ERC1: variants seen among roughly 807,000 people sequenced by gnomAD.
ERC1 encodes the protein ELKS/RAB6-interacting/CAST family member 1, also known as RAB6 interacting protein 2.
Under a neutral mutation model 132.0 loss-of-function variants are expected in ERC1, and 56 were observed. That is an observed-to-expected ratio of 0.42 (90% CI 0.34 to 0.53). The LOEUF (loss-of-function observed/expected upper bound fraction) is 0.53. Among genes scored for constraint, ERC1 ranks in the 20% least tolerant of loss-of-function variants. ERC1 has a pLI of 0.03. For synonymous variants in ERC1, 478 were observed against 476.1 expected, an observed-to-expected ratio of 1.00 and a Z score of -0.05; for missense variants, 1,202 against 1,349.9, an observed-to-expected ratio of 0.89 and a Z score of 1.72.
At chr12:1,080,305 C>T (rs1259055365) in intron 2 of ERC1, among the ~76,000 whole-genome samples, 2 of 152,174 alleles carry the variant, frequency 1.3e-5, no homozygotes, top group Non-Finnish European at 2.9e-5. Context: ...TATGTCCTGG[C>T]AACCACTGTT....
chr12:1,102,308 A>C (rs1944755041), intron 3 of ERC1, among the ~76,000 whole-genome samples: 1 of 152,214 alleles, frequency 6.6e-6, no homozygotes, highest in Non-Finnish European at 1.5e-5. Context: ...ATCTAACAAA[A>C]GAGGAACAGA....
intron 17 of ERC1, among the ~76,000 whole-genome samples, chr12:1,432,457 G>A (rs768845735): frequency 6.6e-6 from 1 of 152,214 alleles, no homozygotes; most frequent in Non-Finnish European, 1.5e-5. Flanking sequence ...GGCCAAGCAT[G>A]TGGTGGCATT....
At chr12:1,351,448 C>G (rs1278300196) in intron 15 of ERC1, among the ~76,000 whole-genome samples, 1 of 152,212 alleles carries the variant, frequency 6.6e-6, no homozygotes, top group South Asian at 2.1e-4. Flanking sequence ...ATTCCTGTTG[C>G]TCAGCATTCT....
intron 16 of ERC1, among the ~76,000 whole-genome samples, chr12:1,394,508 A>G (rs948811763): frequency 6.6e-6 from 1 of 152,210 alleles, no homozygotes; most frequent in Admixed American, 6.5e-5. Context: ...TGTGTCCCCA[A>G]CCAAATCTCA....
At chr12:1,359,384 C>T (rs1478482593) in intron 15 of ERC1, among the ~76,000 whole-genome samples, 1 of 152,112 alleles carries the variant, frequency 6.6e-6, no homozygotes, top group African/African-American at 2.4e-5. Context: ...CATTTTATTG[C>T]TGTAATAATA....
At chr12:1,107,041 GC>G (rs796849687) in intron 4 of ERC1, among the ~76,000 whole-genome samples, 59 of 152,248 alleles carry the variant, frequency 3.9e-4, no homozygotes, top group African/African-American at 1.4e-3. Context: ...AAGTAAAAGA[GC>G]CCAGTAATCT....
At chr12:1,263,744 C>T (rs564969561) in intron 14 of ERC1, among the ~76,000 whole-genome samples, 59 of 152,008 alleles carry the variant, frequency 3.9e-4, no homozygotes, top group African/African-American at 1.3e-3. Context: ...GGCTGGAGTG[C>T]GATGGTGTGA....
chr12:1,342,328 A>G (rs1240017084), intron 15 of ERC1, among the ~76,000 whole-genome samples: 6 of 151,896 alleles, frequency 4.0e-5, no homozygotes, highest in South Asian at 2.1e-4. Flanking sequence ...TTAGCTGGGC[A>G]TGGTGGCACA....
intron 16 of ERC1, among the ~76,000 whole-genome samples, chr12:1,396,807 C>T (rs1338271342): frequency 2.0e-5 from 3 of 152,152 alleles, no homozygotes; most frequent in Non-Finnish European, 2.9e-5. Flanking sequence ...AGGCATTGAG[C>T]TCACAAGAGG....
rs191152563 is a variant in ERC1 at position 999,343 on chromosome 12, T to C, written c.-157+8021T>C. Among the ~76,000 whole-genome samples the C allele has an allele frequency of 2.2e-3, 337 of 152,306 alleles. 3 individuals are homozygous for C. The highest frequency in any genetic ancestry group is 0.019 in the Admixed American group (293 of 15,294). ...TCGAATTGCTACTGAATGTTTCCAT[T>C]TGGATGCCCCTTAAACCGAACACAT... is the stretch of plus-strand genomic sequence containing the variant. On this transcript the variant is annotated intron_variant, in intron 1 of 18. Transcript: ENST00000360905.
intron 18 of ERC1, among the ~76,000 whole-genome samples, chr12:1,488,471 CTT>C: frequency 6.6e-6 from 1 of 152,172 alleles, no homozygotes; most frequent in African/African-American, 2.4e-5. Flanking sequence ...GGCGGGATTA[CTT>C]GAGCCTGGGC....
At chr12:1,489,311 T>C (rs2094291408) in intron 18 of ERC1, among the ~76,000 whole-genome samples, 1 of 152,206 alleles carries the variant, frequency 6.6e-6, no homozygotes, top group Non-Finnish European at 1.5e-5. Flanking sequence ...GCCTCTTTAG[T>C]AGCATTTCCT....
chr12:1,028,156 C>G lies in ERC1; in HGVS notation c.253C>G (p.Pro85Ala). The G allele has an allele frequency of 1.9e-6, 3 of 1,614,162 alleles. No homozygotes were observed. Among genetic ancestry groups the G allele is most frequent in the Non-Finnish European group, 2.5e-6 (3 of 1,180,038 alleles). ...SDHENVGSET[P>A]KSTMTLGRSG... Reference sequence around the variant, plus strand: ...CCATGAAAATGTGGGTTCAGAAACACCTAAAAGCACCATGACACTTGGCCG... The same window carrying G: ...CCATGAAAATGTGGGTTCAGAAACAGCTAAAAGCACCATGACACTTGGCCG... Residue 85 changes from proline to alanine, a missense_variant, in exon 2 of 19, where the codon CCT becomes GCT. Physicochemically the swap from Pro to Ala is conservative, Grantham distance 27. Coordinates refer to ENST00000360905, the MANE Select transcript of ERC1 (RefSeq NM_178040.4).
In ERC1 at chr12:1,053,391, GT is replaced by G. The variant is rs373326869; in HGVS notation, c.669+24823del. ...AGATCACCCCACCCCAGCCAGGTTA[GT>G]TTTGTCAGGTAGAAATAATGCTGTT... On this transcript the variant is annotated intron_variant, in intron 2 of 18. Coordinates refer to ENST00000360905, the MANE Select transcript of ERC1 (RefSeq NM_178040.4). Among the ~76,000 whole-genome samples, 497 of 152,282 alleles carry G rather than the reference GT, an allele frequency of 3.3e-3. 5 individuals are homozygous for G. The highest frequency in any genetic ancestry group is 0.012 in the African/African-American group (489 of 41,570).
chr12:1,274,498 T>TTATC (rs2154332901), intron 14 of ERC1, among the ~76,000 whole-genome samples: 1 of 151,910 alleles, frequency 6.6e-6, no homozygotes, highest in Non-Finnish European at 1.5e-5. Context: ...ATTTATTTAT[T>TTATC]TATTTATTTA....
rs537211765 is a variant in ERC1, at chr12:1,236,707, A to G, written c.2352-62A>G. 75 of 1,514,256 alleles carry G rather than the reference A, an allele frequency of 5.0e-5. No individual in the cohort carries two copies. In the African/African-American group the frequency reaches 9.0e-4, roughly 18 times the overall value. 93.8% of individuals were successfully genotyped at this position (1,514,256 alleles called of 1,614,324 possible). A position where few individuals can be genotyped will look rare whatever the true frequency, so the allele number is the denominator to read the frequency against. On this transcript the variant is annotated intron_variant, in intron 12 of 18. Transcript: ENST00000360905. The stretch of plus-strand genomic sequence containing the variant: ...TATTGTCACTGGTGTAAGTCTCTAG[A>G]TAAACATATTTGTTTCTATACATAC...
At chr12:1,398,698 A>G (rs1181773887) in intron 16 of ERC1, among the ~76,000 whole-genome samples, 1 of 152,138 alleles carries the variant, frequency 6.6e-6, no homozygotes, top group African/African-American at 2.4e-5. Flanking sequence ...AAGAACAGAA[A>G]TTTATTTTTT....
At chr12:1,225,354 G>T (rs990016456) in intron 12 of ERC1, among the ~76,000 whole-genome samples, 1 of 151,698 alleles carries the variant, frequency 6.6e-6, no homozygotes, top group Non-Finnish European at 1.5e-5. Context: ...GGAGGCTGAG[G>T]CAGGAGGATC....
chr12:1,181,112 C>T (rs1035395542), intron 9 of ERC1, among the ~76,000 whole-genome samples: 11 of 152,254 alleles, frequency 7.2e-5, no homozygotes, highest in Non-Finnish European at 1.5e-4. Flanking sequence ...TGCACCTGGC[C>T]AAATTGCTCT....
Sources: gnomAD v4.1 joint callset for allele counts (sites outside exome capture counted in the v4.1 genomes callset) on GRCh38, gnomAD v4.1.1 for gene constraint, MANE v1.5 for transcripts, NCBI Gene and HGNC (gene_info 2026-07-23, HGNC 2026-07-21) for gene names.